SLC41A2: variants seen among roughly 807,000 people sequenced by gnomAD.
SLC41A2 encodes SLC41A1-like 1.
In SLC41A2, 32 loss-of-function variants were observed where a neutral mutation model predicts 58.3. The observed-to-expected ratio is 0.55, with a 90% CI of 0.41 to 0.74. SLC41A2 has a LOEUF of 0.74. Ranked by LOEUF, SLC41A2 falls within the 30% of genes least tolerant of loss-of-function variation. SLC41A2 has a pLI of 0.00. For missense variants in SLC41A2, 514 were observed against 680.6 expected (o/e 0.76, Z 2.72); for synonymous variants, 190 against 235.0 (o/e 0.81, Z 1.75).
intron 2 of SLC41A2, among the ~76,000 whole-genome samples, chr12:104,910,883 T>C (rs1360461200): frequency 1.3e-5 from 2 of 152,200 alleles, no homozygotes; most frequent in Admixed American, 6.5e-5. Context: ...AGCAAAACTT[T>C]TTCCCTTTCC....
intron 4 of SLC41A2, among the ~76,000 whole-genome samples, chr12:104,892,020 C>T (rs2045000758): frequency 6.6e-6 from 1 of 152,038 alleles, no homozygotes; most frequent in African/African-American, 2.4e-5. Flanking sequence ...ATAAAACAGG[C>T]CGGGAGCAGT....
intron 7 of SLC41A2, among the ~76,000 whole-genome samples, chr12:104,865,160 A>T (rs1238563366): frequency 1.3e-5 from 2 of 152,146 alleles, no homozygotes; most frequent in Admixed American, 1.3e-4. Context: ...CCCACAAATG[A>T]ATTATCTAAT....
intron 1 of SLC41A2, among the ~76,000 whole-genome samples, chr12:104,941,671 C>T (rs990905601): frequency 6.6e-6 from 1 of 152,158 alleles, no homozygotes; most frequent in African/African-American, 2.4e-5. Context: ...ATTGCATAAA[C>T]AGAGTACAGT....
rs1411311058 is a variant in SLC41A2, at chr12:104,803,722, T to A, written c.*1430A>T. The A allele has an allele frequency of 6.6e-6, 1 of 152,156 alleles. No individual in the cohort carries two copies. The highest frequency in any genetic ancestry group is 2.4e-5 in the African/African-American group (1 of 41,434). The allele number at this position is 152,156 out of a possible 1,614,324, so 9.4% of individuals were successfully genotyped here. ...AGGTGTTGGTCAAGTGTTTAGAATATAGGCCAGAGTTTTAGAAAAATTATT... is the reference window on the plus strand; with the variant it reads ...AGGTGTTGGTCAAGTGTTTAGAATAAAGGCCAGAGTTTTAGAAAAATTATT... On this transcript the variant is annotated 3_prime_UTR_variant, in exon 11 of 11. Transcript: ENST00000258538.
At chr12:104,864,733 G>A (rs2135518911) in intron 7 of SLC41A2, among the ~76,000 whole-genome samples, 1 of 151,866 alleles carries the variant, frequency 6.6e-6, no homozygotes, top group African/African-American at 2.4e-5. Flanking sequence ...ATTTATTTCT[G>A]CCATTTATGT....
chr12:104,833,824 A>G (rs1245925199), intron 10 of SLC41A2, among the ~76,000 whole-genome samples: 1 of 151,964 alleles, frequency 6.6e-6, no homozygotes, highest in East Asian at 1.9e-4. Context: ...CTAGGGTCAC[A>G]AATCAACCTA....
At chr12:104,885,248 A>G (rs886453642) in intron 6 of SLC41A2, among the ~76,000 whole-genome samples, 4 of 152,208 alleles carry the variant, frequency 2.6e-5, no homozygotes, top group Non-Finnish European at 5.9e-5. Flanking sequence ...TTCCTTGAAC[A>G]TACACACCAA....
At chr12:104,887,569 T>C (rs538259526) in intron 5 of SLC41A2, among the ~76,000 whole-genome samples, 1 of 152,050 alleles carries the variant, frequency 6.6e-6, no homozygotes, top group South Asian at 2.1e-4. Flanking sequence ...AGCAGAAAAC[T>C]TTTTAAAAAA....
Position 104,889,014 on chromosome 12 carries a change from C to T in SLC41A2, c.880+19G>A. ...TAAATGTAAAAGGCTATAGAGTAGA[C>T]ATTTATAAATTCACTTACCCTGCAG... is the stretch of plus-strand genomic sequence containing the variant. On this transcript the variant is annotated intron_variant, in intron 5 of 10. Coordinates refer to ENST00000258538, the MANE Select transcript of SLC41A2 (RefSeq NM_001352171.3). The T allele has an allele frequency of 6.4e-7, 1 of 1,552,784 alleles. No homozygotes were observed. The highest frequency in any genetic ancestry group is 1.4e-5 in the African/African-American group (1 of 70,986).
At chr12:104,861,510 A>C in intron 7 of SLC41A2, 140 bp from the exon 8 acceptor site, 1 of 560,818 alleles carries the variant, frequency 1.8e-6, no homozygotes, top group Non-Finnish European at 3.1e-6. Flanking sequence ...AAATATTCAA[A>C]GTAAAAATCA....
chr12:104,940,909 C>G (rs1033569150), intron 1 of SLC41A2, among the ~76,000 whole-genome samples: 1 of 137,026 alleles, frequency 7.3e-6, no homozygotes, highest in African/African-American at 2.7e-5. Flanking sequence ...CGCCTGCCTC[C>G]GAGTGACAGA....
At chr12:104,922,476 GTA>G (rs58387912) in intron 2 of SLC41A2, among the ~76,000 whole-genome samples, 42 of 148,468 alleles carry the variant, frequency 2.8e-4, no homozygotes, top group Non-Finnish European at 2.7e-4. Flanking sequence ...CATAACAATT[GTA>G]TATATATATA....
At chr12:104,934,912 G>T (rs532768723) in intron 1 of SLC41A2, among the ~76,000 whole-genome samples, 2 of 152,162 alleles carry the variant, frequency 1.3e-5, no homozygotes, top group Admixed American at 1.3e-4. Flanking sequence ...TGCTCAAAAG[G>T]TATAAAGTTT....
intron 3 of SLC41A2, among the ~76,000 whole-genome samples, chr12:104,908,245 AC>A (rs1254142128): frequency 5.9e-5 from 9 of 152,356 alleles, no homozygotes; most frequent in Admixed American, 5.2e-4. Flanking sequence ...AGTCTGGGCA[AC>A]AACAAGATTC....
chr12:104,825,167 G>A lies in SLC41A2; in HGVS notation c.1536+19305C>T, dbSNP rs117123254. Among the ~76,000 whole-genome samples, 1,317 of 152,314 alleles carry A rather than the reference G, an allele frequency of 8.6e-3. 36 individuals carry two copies. In the East Asian group the frequency reaches 0.12, roughly 14 times the overall value. On this transcript the variant is annotated intron_variant, in intron 10 of 10. Transcript: ENST00000258538. ...GCTCAGCCACCAAAGGTGCAAATCAGACCAATTTTTTCCTAGAGGTGCATG... is the reference window on the plus strand; with the variant it reads ...GCTCAGCCACCAAAGGTGCAAATCAAACCAATTTTTTCCTAGAGGTGCATG...
intron 8 of SLC41A2, among the ~76,000 whole-genome samples, chr12:104,851,157 T>TA (rs759713159): frequency 2.6e-5 from 4 of 152,198 alleles, no homozygotes; most frequent in African/African-American, 4.8e-5. Flanking sequence ...GGTAAAGGCT[T>TA]AAAAAATGTT....
At chr12:104,924,621 G>A (rs1359013940) in intron 2 of SLC41A2, among the ~76,000 whole-genome samples, 2 of 152,112 alleles carry the variant, frequency 1.3e-5, no homozygotes, top group Non-Finnish European at 2.9e-5. Flanking sequence ...GCACATGCCT[G>A]TAATCCCAGC....
chr12:104,810,156 G>C (rs1364744026), intron 10 of SLC41A2, among the ~76,000 whole-genome samples: 1 of 152,054 alleles, frequency 6.6e-6, no homozygotes, highest in African/African-American at 2.4e-5. Context: ...AGAGAGTAGA[G>C]TGTTAGGTTA....
At chr12:104,821,531 G>C (rs962500442) in intron 10 of SLC41A2, among the ~76,000 whole-genome samples, 5 of 152,048 alleles carry the variant, frequency 3.3e-5, no homozygotes, top group African/African-American at 1.2e-4. Flanking sequence ...TGGTAGTCCC[G>C]CTAAATATAG....
Sources: allele counts gnomAD v4.1 joint callset (sites outside exome capture counted in the v4.1 genomes callset), GRCh38; gene constraint gnomAD v4.1.1; transcripts MANE v1.5; gene names NCBI Gene and HGNC (gene_info 2026-07-23, HGNC 2026-07-21).